Variants in PPP5C observed in about 807,000 individuals in gnomAD.
The protein encoded by PPP5C is protein phosphatase 5 catalytic subunit, also known as serine/threonine-protein phosphatase 5.
PPP5C carries 21 observed loss-of-function variants against 66.7 expected under a neutral mutation model. The observed-to-expected ratio is 0.31, with a 90% CI of 0.22 to 0.45. The LOEUF (loss-of-function observed/expected upper bound fraction) is 0.45. PPP5C is among the 20% of genes least tolerant of loss of function. The pLI, the probability that PPP5C is intolerant of heterozygous loss-of-function variation, is 1.00. For missense variants in PPP5C, 464 were observed against 675.9 expected, an observed-to-expected ratio of 0.69 and a Z score of 3.48; for synonymous variants, 246 against 257.4, an observed-to-expected ratio of 0.96 and a Z score of 0.43.
At chr19:46,381,049 A>C (rs1192019443) in intron 4 of PPP5C, among the ~76,000 whole-genome samples, 1 of 152,074 alleles carries the variant, frequency 6.6e-6, no homozygotes, top group Non-Finnish European at 1.5e-5. Context: ...GAATTTTTTT[A>C]ATTCTTTTCA....
intron 12 of PPP5C, 37 bp from the exon 13 acceptor site, chr19:46,390,247 C>T (rs1214335681): frequency 1.3e-6 from 2 of 1,597,172 alleles, no homozygotes; most frequent in African/African-American, 1.3e-5. Flanking sequence ...GGGCTCTGTT[C>T]TGACTTCTGT....
Position 46,380,665 on chromosome 19 carries a change from G to A in PPP5C, c.634-2746G>A, listed in dbSNP as rs948759500. ...TGTTTTTATTTTGTCTTCATTTTTA[G>A]GGGTGTCTTTGCTGGATGTAGAGTT... On this transcript the variant is annotated intron_variant, in intron 4 of 12. Coordinates refer to ENST00000012443, the MANE Select transcript of PPP5C (RefSeq NM_006247.4). Among the ~76,000 whole-genome samples, 7 of 152,262 alleles carry A rather than the reference G, an allele frequency of 4.6e-5. No homozygotes were observed. In the South Asian group the frequency reaches 1.5e-3, roughly 32 times the overall value.
At chr19:46,350,675 T>C (rs1601408758) in intron 1 of PPP5C, among the ~76,000 whole-genome samples, 2 of 152,086 alleles carry the variant, frequency 1.3e-5, no homozygotes, top group African/African-American at 4.8e-5. Flanking sequence ...CGCTGTGGGG[T>C]TTAATCCTCC....
intron 1 of PPP5C, among the ~76,000 whole-genome samples, chr19:46,347,626 A>G (rs997394787): frequency 1.1e-4 from 16 of 146,362 alleles, no homozygotes; most frequent in African/African-American, 5.1e-5. Flanking sequence ...CACAGCCCCA[A>G]TAGAGAAGGC....
At chr19:46,380,306 C>T (rs897935717) in intron 4 of PPP5C, among the ~76,000 whole-genome samples, 11 of 150,180 alleles carry the variant, frequency 7.3e-5, no homozygotes, top group African/African-American at 1.7e-4. Flanking sequence ...GGCAACAGAG[C>T]GAGACTCCAT....
chr19:46,385,860 C>T (rs1431867659), intron 7 of PPP5C, among the ~76,000 whole-genome samples: 1 of 150,756 alleles, frequency 6.6e-6, no homozygotes, highest in Non-Finnish European at 1.5e-5. Flanking sequence ...GGAAGGATTG[C>T]TTGAGCCCAG....
At chr19:46,361,657 C>T (rs1379844876) in intron 2 of PPP5C, among the ~76,000 whole-genome samples, 5 of 146,434 alleles carry the variant, frequency 3.4e-5, no homozygotes, top group South Asian at 2.2e-4. Context: ...CCCACCTACT[C>T]GGGAGGCTGA....
In PPP5C at chr19:46,382,868, A is replaced by G. The variant is rs759784502; in HGVS notation, c.634-543A>G. 6.5e-5 allele frequency: 70 copies of G among 1,070,736 alleles called. No individual in the cohort carries two copies. The African/African-American group carries it at 6.9e-4, about 11-fold the overall frequency. 66.3% of individuals were successfully genotyped at this position (1,070,736 alleles called of 1,614,324 possible). On this transcript the variant is annotated intron_variant, in intron 4 of 12. Transcript: ENST00000012443. ...CATGTCATTGTCAAGGTCATATCCAATCTGTGAAAAATAAATCATCTGCAT... is the reference window on the plus strand; with the variant it reads ...CATGTCATTGTCAAGGTCATATCCAGTCTGTGAAAAATAAATCATCTGCAT...
At position 46,390,768 on chromosome 19, in the gene PPP5C, G is replaced by T; in HGVS notation, c.*422G>T. On this transcript the variant is annotated 3_prime_UTR_variant, in exon 13 of 13. Transcript: ENST00000012443. ...GCCTCCCCTCCTATAGCCCCATGGTGGGGCTAGGCTGGGGCTCACCCCCCT... is the reference window on the plus strand; with the variant it reads ...GCCTCCCCTCCTATAGCCCCATGGTTGGGCTAGGCTGGGGCTCACCCCCCT... 8.8e-7 allele frequency: 1 copy of T among 1,131,448 alleles called. No individual in the cohort carries two copies. 70.1% of individuals were successfully genotyped at this position (1,131,448 alleles called of 1,614,324 possible).
At position 46,388,538 on chromosome 19, in the gene PPP5C, T is replaced by C. The variant is rs1326758972; in HGVS notation, c.1177-15T>C. On this transcript the variant is annotated splice_polypyrimidine_tract_variant and intron_variant, in intron 10 of 12. Coordinates refer to ENST00000012443, the MANE Select transcript of PPP5C (RefSeq NM_006247.4). The surrounding 1 kb of genome is among the most constrained non-coding windows in gnomAD (Gnocchi z 4.9). ...TCACCCTGAACCCCTGTCTCTCCCT[T>C]CTGCCCACCCTCAGAACGGGCGCTC... is the stretch of plus-strand genomic sequence containing the variant. The C allele has an allele frequency of 9.9e-6, 16 of 1,613,126 alleles. No homozygotes were observed. Among genetic ancestry groups the C allele is most frequent in the African/African-American group, 1.3e-5 (1 of 75,022 alleles).
intron 2 of PPP5C, among the ~76,000 whole-genome samples, chr19:46,364,669 AT>A (rs1449244741): frequency 2.0e-5 from 3 of 152,168 alleles, no homozygotes; most frequent in African/African-American, 7.2e-5. Flanking sequence ...TAAAAAAAAA[AT>A]AATTGTACCT....
In PPP5C at chr19:46,387,025, G is replaced by A. The variant is rs1223268975; in HGVS notation, c.905-68G>A. 25 of 1,609,336 alleles carry A rather than the reference G, an allele frequency of 1.6e-5. No individual in the cohort carries two copies. The East Asian group carries it at 4.2e-4, about 27-fold the overall frequency. On this transcript the variant is annotated intron_variant, in intron 7 of 12. Transcript: ENST00000012443. ...CGCATGCACAGTTCTGGGCCTTGAG[G>A]GTGCCAGGCTGGAGGACACTGATGT...
chr19:46,363,443 C>G (rs1260899907), intron 2 of PPP5C, among the ~76,000 whole-genome samples: 1 of 118,064 alleles, frequency 8.5e-6, no homozygotes, highest in Non-Finnish European at 1.8e-5. Flanking sequence ...TTATTTTTTT[C>G]TTTTTCAGAC....
intron 2 of PPP5C, among the ~76,000 whole-genome samples, chr19:46,375,079 C>T (rs1314181338): frequency 1.3e-5 from 2 of 152,192 alleles, no homozygotes; most frequent in African/African-American, 2.4e-5. Context: ...GTTACTTATT[C>T]CTTCCCACAG....
intron 1 of PPP5C, among the ~76,000 whole-genome samples, chr19:46,349,525 A>G (rs973397626): frequency 2.6e-5 from 4 of 151,838 alleles, no homozygotes; most frequent in African/African-American, 9.7e-5. Flanking sequence ...GGGAGCCGTG[A>G]GAGGGAGGTA....
At chr19:46,362,470 A>G (rs183010673) in intron 2 of PPP5C, among the ~76,000 whole-genome samples, 175 of 152,308 alleles carry the variant, frequency 1.1e-3, no homozygotes, top group African/African-American at 4.0e-3. Flanking sequence ...TAGCTTAGTA[A>G]AACCCTAAGG....
At chr19:46,389,948 CCTCCCT>C (rs543778368) in intron 11 of PPP5C, 97 bp from the exon 12 acceptor site, 7 of 1,016,058 alleles carry the variant, frequency 6.9e-6, no homozygotes, top group East Asian at 2.4e-5. Flanking sequence ...TGGCTCTGTC[CCTCCCT>C]CTCCCTCTGT....
chr19:46,349,036 G>C (rs1972136355), intron 1 of PPP5C, among the ~76,000 whole-genome samples: 1 of 152,126 alleles, frequency 6.6e-6, no homozygotes, highest in Non-Finnish European at 1.5e-5. Context: ...TAGGAGTATT[G>C]GTTCTGAAGG....
intron 9 of PPP5C, chr19:46,387,928 G>A (rs942345179): frequency 9.4e-6 from 3 of 319,502 alleles, no homozygotes; most frequent in Non-Finnish European, 1.8e-5. Context: ...CATCTGCCGT[G>A]CACAGAGCCT....
Sources: allele counts gnomAD v4.1 joint callset (sites outside exome capture counted in the v4.1 genomes callset), GRCh38; gene constraint gnomAD v4.1.1; non-coding constraint Gnocchi (gnomAD v3.1); transcripts MANE v1.5; gene names NCBI Gene and HGNC (gene_info 2026-07-23, HGNC 2026-07-21).